The following KLF9 variants were observed in gnomAD, a reference collection of about 807,000 sequenced individuals.
KLF9 encodes Krueppel-like factor 9.
Under a neutral mutation model 17.3 loss-of-function variants are expected in KLF9, and 2 were observed. That is an observed-to-expected ratio of 0.12 (90% CI 0.05 to 0.36). The LOEUF (loss-of-function observed/expected upper bound fraction) is 0.36, where lower values mean the gene tolerates loss of function less well. KLF9 is among the 10% of genes least tolerant of loss of function. KLF9 has a pLI of 1.00. For missense variants in KLF9, 226 were observed against 333.2 expected (o/e 0.68, Z 2.51); for synonymous variants, 138 against 139.2 (o/e 0.99, Z 0.06).
In KLF9 at chr9:70,413,043, A is replaced by T. The variant is rs1418148157; in HGVS notation, c.321T>A (p.Pro107=). The change falls in exon 1 of 2, where the codon CCT becomes CCA. Residue 107 remains proline, a synonymous_variant. Coordinates refer to ENST00000377126, the MANE Select transcript of KLF9 (RefSeq NM_001206.4). The surrounding 1 kb of genome is among the most constrained non-coding windows in gnomAD (Gnocchi z 5.6). ...CCTGTCTCTCCTCCGGGCTGTGGGA[A>T]GGACTCGACCCAGATTCGGTGGTCA... ...SDVTTESGSS[P]SHSPEERQDP... is the part of the protein sequence containing the mutation. 1.2e-6 allele frequency: 2 copies of T among 1,614,076 alleles called. No homozygotes were observed. Among genetic ancestry groups the T allele is most frequent in the Non-Finnish European group, 1.7e-6 (2 of 1,179,962 alleles).
chr9:70,397,099 A>G (rs1219858111), intron 1 of KLF9, among the ~76,000 whole-genome samples: 1 of 152,190 alleles, frequency 6.6e-6, no homozygotes, highest in East Asian at 1.9e-4. Context: ...TTACTGGGAC[A>G]CTTCAGTAAG....
At chr9:70,399,634 G>A (rs1428074486) in intron 1 of KLF9, among the ~76,000 whole-genome samples, 1 of 152,178 alleles carries the variant, frequency 6.6e-6, no homozygotes, top group Admixed American at 6.5e-5. Context: ...ACGTGCCCAA[G>A]GACGCCCTGC....
Position 70,388,022 on chromosome 9 carries a change from A to G in KLF9, c.506-17T>C. On this transcript the variant is annotated splice_polypyrimidine_tract_variant and intron_variant, in intron 1 of 1. Coordinates refer to ENST00000377126, the MANE Select transcript of KLF9 (RefSeq NM_001206.4). ...GCCGTTCACCTAAGAGAAAGGAATC[A>G]GAAAGGATACAGCTCAAAGAACATG... The G allele has an allele frequency of 2.5e-6, 4 of 1,602,122 alleles. No homozygotes were observed. The highest frequency in any genetic ancestry group is 3.4e-6 in the Non-Finnish European group (4 of 1,171,360).
At position 70,413,242 on chromosome 9, in the gene KLF9, C is replaced by A; in HGVS notation, c.122G>T (p.Arg41Leu). The change falls in exon 1 of 2, where the codon CGC becomes CTC. Residue 41 changes from arginine to leucine, a missense_variant. Transcript: ENST00000377126. The surrounding 1 kb of genome is among the most constrained non-coding windows in gnomAD (Gnocchi z 5.6). The part of the protein sequence containing the change: ...PDAERLRLPE[R>L]EVTKEHGDPG... ...GTCACCGTGCTCCTTGGTCACCTCG[C>A]GCTCAGGTAGTCGCAGCCGCTCGGC... The A allele has an allele frequency of 2.5e-6, 4 of 1,613,880 alleles. No individual in the cohort carries two copies. Among genetic ancestry groups the A allele is most frequent in the Non-Finnish European group, 3.4e-6 (4 of 1,180,006 alleles).
At position 70,387,880 on chromosome 9, in the gene KLF9, G is replaced by T; in HGVS notation, c.631C>A (p.Arg211Ser). 7.4e-6 allele frequency: 12 copies of T among 1,614,122 alleles called. No homozygotes were observed. Among genetic ancestry groups the T allele is most frequent in the Non-Finnish European group, 1.0e-5 (12 of 1,180,032 alleles). ...GTGAGGTGGTCACTCCTCATGAAGC[G>T]CTTCTCACACAGCGGACAGCGGAAC... is the stretch of plus-strand genomic sequence containing the variant. ...KQFRCPLCEK[R>S]FMRSDHLTKH... The change falls in exon 2 of 2, where the codon CGC (arginine) becomes AGC (serine). Residue 211 changes from arginine to serine, a missense_variant. Arg to Ser is a moderately radical substitution (Grantham distance 110, BLOSUM62 -1). Coordinates refer to ENST00000377126, the MANE Select transcript of KLF9 (RefSeq NM_001206.4).
rs1476826763 is a variant in KLF9 at position 70,413,345 on chromosome 9, T to C, written c.19A>G (p.Met7Val). The change falls in exon 1 of 2, where the codon ATG becomes GTG. Residue 7 changes from methionine (M) to valine (V), a missense_variant. Physicochemically the swap from Met to Val is conservative, Grantham distance 21. Transcript: ENST00000377126. This position sits in a 1 kb window ranked among gnomAD's most constrained non-coding sequence, Gnocchi z 5.6. MSAAAY[M>V]DFVAAQCLVS... is the part of the protein sequence containing the mutation. ...AGACACTGGGCAGCCACGAAGTCCA[T>C]GTAGGCGGCCGCGGACATGGTGCGG... 1 of 1,561,114 alleles carries C rather than the reference T, an allele frequency of 6.4e-7. No individual in the cohort carries two copies.
intron 1 of KLF9, among the ~76,000 whole-genome samples, chr9:70,401,534 C>G (rs1663817155): frequency 6.6e-6 from 1 of 150,914 alleles, no homozygotes; most frequent in Admixed American, 6.6e-5. Context: ...TAAAAATACA[C>G]AAATTAGCTG....
chr9:70,412,951 G>C lies in KLF9; in HGVS notation c.413C>G (p.Ala138Gly), dbSNP rs2037336422. Residue 138 changes from alanine (A) to glycine (G), a missense_variant, in exon 1 of 2, where the codon GCC becomes GGC. Ala to Gly is a moderately conservative substitution (Grantham distance 60, BLOSUM62 0). Coordinates refer to ENST00000377126, the MANE Select transcript of KLF9 (RefSeq NM_001206.4). ...HPGVAAKGKH[A>G]SEKRHKCPYS... The stretch of plus-strand genomic sequence containing the variant: ...GGGGCACTTGTGCCTCTTTTCGGAG[G>C]CGTGTTTCCCCTTCGCAGCCACTCC... The C allele has an allele frequency of 6.2e-7, 1 of 1,614,048 alleles. No individual in the cohort carries two copies. The highest frequency in any genetic ancestry group is 1.3e-5 in the African/African-American group (1 of 74,922).
rs751778981 is a variant in KLF9 at position 70,413,290 on chromosome 9, G to A, written c.74C>T (p.Pro25Leu). ...GGCGTCCGGAGCGACCCCATGCTCC[G>A]GCACCGCAGCGCGGTTCGAAATGGA... Reference protein sequence around the residue: ...LVSISNRAAVPEHGVAPDAER... With the variant: ...LVSISNRAAVLEHGVAPDAER... The change falls in exon 1 of 2, where the codon CCG (proline) becomes CTG (leucine). Residue 25 changes from proline (P) to leucine (L), a missense_variant. Transcript: ENST00000377126. The surrounding 1 kb of genome is among the most constrained non-coding windows in gnomAD (Gnocchi z 5.6). 1.9e-6 allele frequency: 3 copies of A among 1,611,652 alleles called. No homozygotes were observed. The highest frequency in any genetic ancestry group is 2.5e-6 in the Non-Finnish European group (3 of 1,179,432).
intron 1 of KLF9, among the ~76,000 whole-genome samples, chr9:70,404,315 G>C (rs1022934668): frequency 1.3e-5 from 2 of 152,166 alleles, no homozygotes; most frequent in Admixed American, 1.3e-4. Flanking sequence ...AAGTGAATGA[G>C]ATGGCTGGGT....
chr9:70,405,030 C>T (rs1278924227), intron 1 of KLF9, among the ~76,000 whole-genome samples: 1 of 152,164 alleles, frequency 6.6e-6, no homozygotes, highest in Non-Finnish European at 1.5e-5. Flanking sequence ...TAGGTCAGGC[C>T]TTACTCTTCA....
At chr9:70,392,428 A>G (rs2037158306) in intron 1 of KLF9, among the ~76,000 whole-genome samples, 1 of 152,184 alleles carries the variant, frequency 6.6e-6, no homozygotes, top group South Asian at 2.1e-4. Flanking sequence ...GATTCTGCTT[A>G]GGGACCTACA....
chr9:70,408,805 A>G (rs1024656542), intron 1 of KLF9, among the ~76,000 whole-genome samples: 1 of 151,666 alleles, frequency 6.6e-6, no homozygotes, highest in South Asian at 2.1e-4. Flanking sequence ...AGAGGGACCA[A>G]AAAAATCTGT....
At position 70,413,932 on chromosome 9, in the gene KLF9, C is replaced by A. The variant is rs958656523; in HGVS notation, c.-569G>T. 2 of 152,774 alleles carry A rather than the reference C, an allele frequency of 1.3e-5. No individual in the cohort carries two copies. Among genetic ancestry groups the A allele is most frequent in the African/African-American group, 4.8e-5 (2 of 41,474 alleles). The allele number at this position is 152,774 out of a possible 1,614,324, so 9.5% of individuals were successfully genotyped here. On this transcript the variant is annotated 5_prime_UTR_variant, in exon 1 of 2. Transcript: ENST00000377126. This position sits in a 1 kb window ranked among gnomAD's most constrained non-coding sequence, Gnocchi z 5.6. Reference sequence around the variant, plus strand: ...AACCCCTGCTCCGGCCGGTCCGCACCGTTCCGGCATTCTCTTGCTCAGTAA... The same window carrying A: ...AACCCCTGCTCCGGCCGGTCCGCACAGTTCCGGCATTCTCTTGCTCAGTAA...
chr9:70,406,423 G>C (rs2037255183), intron 1 of KLF9, among the ~76,000 whole-genome samples: 1 of 152,220 alleles, frequency 6.6e-6, no homozygotes, highest in Non-Finnish European at 1.5e-5. Context: ...GGGTGGGGAT[G>C]TGCTTTCTTA....
chr9:70,394,494 T>C (rs1356737465), intron 1 of KLF9, among the ~76,000 whole-genome samples: 1 of 152,122 alleles, frequency 6.6e-6, no homozygotes, highest in Non-Finnish European at 1.5e-5. Flanking sequence ...ATAAAGGTAG[T>C]ATAACTACTA....
chr9:70,406,694 T>C (rs1451897809), intron 1 of KLF9, among the ~76,000 whole-genome samples: 1 of 152,138 alleles, frequency 6.6e-6, no homozygotes, highest in Non-Finnish European at 1.5e-5. Flanking sequence ...CTGCGTGTGT[T>C]GCATAGAAAC....
intron 1 of KLF9, among the ~76,000 whole-genome samples, chr9:70,409,412 G>T (rs1011186963): frequency 6.6e-6 from 1 of 151,086 alleles, no homozygotes; most frequent in Non-Finnish European, 1.5e-5. Context: ...AAGGCCTAAG[G>T]TTTCTGTCAT....
rs1447407905 is a variant in KLF9 at position 70,385,274 on chromosome 9, T to C, written c.*2502A>G. 2 of 152,626 alleles carry C rather than the reference T, an allele frequency of 1.3e-5. No homozygotes were observed. The highest frequency in any genetic ancestry group is 4.8e-5 in the African/African-American group (2 of 41,462). The allele number at this position is 152,626 out of a possible 1,614,324, so 9.5% of individuals were successfully genotyped here. On this transcript the variant is annotated 3_prime_UTR_variant, in exon 2 of 2. Transcript: ENST00000377126. ...CATATCTTGATATAGTAAATCTAAT[T>C]AGAATGCTGGTTCCTGTTTTGTGAC... is the stretch of plus-strand genomic sequence containing the variant.
Sources: allele counts gnomAD v4.1 joint callset (sites outside exome capture counted in the v4.1 genomes callset), GRCh38; gene constraint gnomAD v4.1.1; non-coding constraint Gnocchi (gnomAD v3.1); transcripts MANE v1.5; gene names NCBI Gene and HGNC (gene_info 2026-07-23, HGNC 2026-07-21).